RPA3: variants seen among roughly 807,000 people sequenced by gnomAD.
RPA3 encodes replication protein A 14 kDa subunit.
A neutral mutation model predicts 13.7 loss-of-function variants in RPA3; 24 were observed. The observed-to-expected ratio is 1.75, with a 90% CI of 1.27 to 2.46. RPA3 has a LOEUF of 2.46. Ranked by LOEUF, RPA3 falls within the 30% of genes most tolerant of loss-of-function variation. The pLI, the probability that RPA3 is intolerant of heterozygous loss-of-function variation, is 0.00. For missense variants in RPA3, 183 were observed against 151.0 expected, an observed-to-expected ratio of 1.21 and a Z score of -1.11; for synonymous variants, 59 against 51.2, an observed-to-expected ratio of 1.15 and a Z score of -0.65.
Position 7,643,711 on chromosome 7 carries a change from C to CA in RPA3, c.-757-2537dup, listed in dbSNP as rs34403294. Among the ~76,000 whole-genome samples the CA allele has an allele frequency of 3.4e-3, 226 of 66,932 alleles. 1 individual carries two copies. The highest frequency in any genetic ancestry group is 0.016 in the Middle Eastern group (2 of 128). 43.9% of individuals were successfully genotyped at this position (66,932 alleles called of 152,430 possible). The stretch of plus-strand genomic sequence containing the variant: ...TGGGCCACAGAGCGAGACTCCCTCT[C>CA]AAAAAAAAAAAAAACAAACAAACGA... On this transcript the variant is annotated intron_variant, in intron 4 of 7. Transcript: ENST00000223129.
intron 2 of RPA3, among the ~76,000 whole-genome samples, chr7:7,695,009 G>A (rs1293585452): frequency 6.6e-6 from 1 of 152,168 alleles, no homozygotes; most frequent in Non-Finnish European, 1.5e-5. Context: ...CACCAACAGT[G>A]TTTGAGAGTT....
At chr7:7,662,203 T>C (rs7795116) in intron 4 of RPA3, among the ~76,000 whole-genome samples, 43,767 of 152,076 alleles carry the variant, frequency 0.29, 6,921 homozygotes, top group African/African-American at 0.42. Context: ...GTTGCTGTGC[T>C]GGCAGCGATA....
intron 4 of RPA3, among the ~76,000 whole-genome samples, chr7:7,657,877 C>T (rs942938967): frequency 1.2e-4 from 18 of 152,188 alleles, no homozygotes; most frequent in Non-Finnish European, 2.2e-4. Context: ...ATGGGGATAG[C>T]ATTGAATCTG....
At chr7:7,686,356 C>T (rs1222119139) in intron 3 of RPA3, among the ~76,000 whole-genome samples, 1 of 151,928 alleles carries the variant, frequency 6.6e-6, no homozygotes, top group East Asian at 1.9e-4. Flanking sequence ...GAATGTTATC[C>T]CATTGGCAGT....
intron 4 of RPA3, chr7:7,641,509 A>G (rs1336855212): frequency 6.6e-6 from 1 of 151,586 alleles, no homozygotes; most frequent in Non-Finnish European, 1.5e-5. Flanking sequence ...AACAGTTTAA[A>G]CCCCCTCAGC....
chr7:7,701,951 T>A (rs1160362717), intron 2 of RPA3, among the ~76,000 whole-genome samples: 1 of 152,244 alleles, frequency 6.6e-6, no homozygotes, highest in Non-Finnish European at 1.5e-5. Context: ...GTTTCTGACC[T>A]CTTTTCTCTT....
chr7:7,670,145 T>C (rs921791327), intron 4 of RPA3, among the ~76,000 whole-genome samples: 3 of 152,224 alleles, frequency 2.0e-5, no homozygotes, highest in Admixed American at 1.3e-4. Context: ...TTTGTTTTCT[T>C]ATACTACACT....
intron 2 of RPA3, among the ~76,000 whole-genome samples, chr7:7,693,306 T>TCTATCTATCTATCTAC (rs1563128462): frequency 6.6e-6 from 1 of 151,750 alleles, no homozygotes; most frequent in East Asian, 1.9e-4. Context: ...TATCTATCTA[T>TCTATCTATCTATCTAC]CTATCTATCT....
intron 4 of RPA3, among the ~76,000 whole-genome samples, chr7:7,674,676 T>C (rs998698505): frequency 2.6e-5 from 4 of 152,202 alleles, no homozygotes; most frequent in Non-Finnish European, 5.9e-5. Flanking sequence ...ATTGCTAATA[T>C]GACCCTTCCT....
At chr7:7,690,101 T>C (rs1222819223) in intron 2 of RPA3, among the ~76,000 whole-genome samples, 1 of 152,212 alleles carries the variant, frequency 6.6e-6, no homozygotes, top group African/African-American at 2.4e-5. Flanking sequence ...CAGGAACGTA[T>C]TACTGATATT....
intron 4 of RPA3, among the ~76,000 whole-genome samples, chr7:7,654,250 T>A (rs1563087630): frequency 6.6e-6 from 1 of 152,162 alleles, no homozygotes; most frequent in Non-Finnish European, 1.5e-5. Flanking sequence ...TACAAAGTAA[T>A]GGAGGAGAGT....
intron 4 of RPA3, among the ~76,000 whole-genome samples, chr7:7,675,047 T>C (rs566303285): frequency 5.3e-5 from 8 of 152,226 alleles, no homozygotes; most frequent in Non-Finnish European, 1.0e-4. Flanking sequence ...TTAAAGAAAA[T>C]AGAGATGGGG....
intron 2 of RPA3, among the ~76,000 whole-genome samples, chr7:7,706,519 A>G (rs560840579): frequency 6.6e-6 from 1 of 152,340 alleles, no homozygotes; most frequent in African/African-American, 2.4e-5. Context: ...CCTCATTTAA[A>G]TTGTGCCTGA....
In RPA3 at chr7:7,640,691, G is replaced by T; in HGVS notation, c.-273C>A. ...ATACAGGGCGAGAGGCAGTGGAGGC[G>T]GGACTTGGATAGGGGCGGAACCTGA... is the stretch of plus-strand genomic sequence containing the variant. On this transcript the variant is annotated 5_prime_UTR_variant, in exon 5 of 8. Transcript: ENST00000223129. 2.2e-6 allele frequency: 1 copy of T among 448,848 alleles called. No individual in the cohort carries two copies. The highest frequency in any genetic ancestry group is 2.0e-5 in the African/African-American group (1 of 49,546). 27.8% of individuals were successfully genotyped at this position (448,848 alleles called of 1,614,324 possible). A position where few individuals can be genotyped will look rare whatever the true frequency, so the allele number is the denominator to read the frequency against.
chr7:7,663,822 G>A (rs911175998), intron 4 of RPA3, among the ~76,000 whole-genome samples: 1 of 152,160 alleles, frequency 6.6e-6, no homozygotes, highest in African/African-American at 2.4e-5. Context: ...TTACATGCAT[G>A]ACTATCAGTT....
At chr7:7,703,006 C>T (rs775303684) in intron 2 of RPA3, among the ~76,000 whole-genome samples, 9 of 152,314 alleles carry the variant, frequency 5.9e-5, no homozygotes, top group Middle Eastern at 3.4e-3. Flanking sequence ...TGCGAGCAGG[C>T]AGAGCAGAAT....
intron 4 of RPA3, among the ~76,000 whole-genome samples, chr7:7,681,683 C>A (rs141782846): frequency 6.6e-6 from 1 of 152,094 alleles, no homozygotes; most frequent in Non-Finnish European, 1.5e-5. Flanking sequence ...CACTGGGTGG[C>A]GATTTTTCAT....
At chr7:7,638,944 C>T (rs1022076196) in intron 6 of RPA3, 126 bp downstream of exon 6, 12 of 581,548 alleles carry the variant, frequency 2.1e-5, no homozygotes, top group African/African-American at 1.9e-4. Context: ...AATTTTACAG[C>T]CAGGGACGTT....
chr7:7,660,901 A>T (rs1336814949), intron 4 of RPA3, among the ~76,000 whole-genome samples: 1 of 152,202 alleles, frequency 6.6e-6, no homozygotes, highest in African/African-American at 2.4e-5. Context: ...AGTGTTTTCC[A>T]ACTTGGTTCT....
Sources: allele counts gnomAD v4.1 joint callset (sites outside exome capture counted in the v4.1 genomes callset), GRCh38; gene constraint gnomAD v4.1.1; transcripts MANE v1.5; gene names NCBI Gene and HGNC (gene_info 2026-07-23, HGNC 2026-07-21).